Variants in ADAM22 observed in about 807,000 individuals in gnomAD.
ADAM22 encodes ADAM metallopeptidase domain 22.
ADAM22 carries 65 observed loss-of-function variants against 144.6 expected under a neutral mutation model. That is an observed-to-expected ratio of 0.45 (90% CI 0.37 to 0.55). The LOEUF is 0.55. Among genes scored for constraint, ADAM22 ranks in the 20% least tolerant of loss-of-function variants. The probability of loss-of-function intolerance (pLI) is 0.00; values close to 1 mark genes in which losing one functional copy is unlikely to be tolerated. For missense variants in ADAM22, 974 were observed against 1,184.9 expected (o/e 0.82, Z 2.61); for synonymous variants, 391 against 412.6 (o/e 0.95, Z 0.63).
intron 22 of ADAM22, among the ~76,000 whole-genome samples, chr7:88,156,430 C>T (rs561174025): frequency 6.6e-6 from 1 of 152,104 alleles, no homozygotes; most frequent in East Asian, 1.9e-4. Context: ...ATAATAGCAA[C>T]AATATTTTGT....
intron 26 of ADAM22, among the ~76,000 whole-genome samples, chr7:88,175,496 T>G (rs890178372): frequency 6.6e-6 from 1 of 152,080 alleles, no homozygotes; most frequent in Non-Finnish European, 1.5e-5. Context: ...AAAGACAACA[T>G]GTAATTAATG....
intron 21 of ADAM22, among the ~76,000 whole-genome samples, chr7:88,154,986 G>C (rs947673636): frequency 2.0e-5 from 3 of 151,884 alleles, no homozygotes; most frequent in Admixed American, 2.0e-4. Context: ...AAATGTGTTG[G>C]ATATAAATAA....
chr7:88,114,771 A>G, intron 6 of ADAM22, 124 bp downstream of exon 6: 1 of 792,934 alleles, frequency 1.3e-6, no homozygotes, highest in Non-Finnish European at 2.0e-6. Context: ...TAGTAAACAT[A>G]TGTACAGATG....
At chr7:88,070,743 C>T (rs1187162709) in intron 3 of ADAM22, among the ~76,000 whole-genome samples, 1 of 152,004 alleles carries the variant, frequency 6.6e-6, no homozygotes. Flanking sequence ...ATGCATTAGA[C>T]ATGTTGAATT....
At chr7:87,980,846 G>A (rs1431767163) in intron 3 of ADAM22, among the ~76,000 whole-genome samples, 2 of 152,138 alleles carry the variant, frequency 1.3e-5, no homozygotes, top group African/African-American at 4.8e-5. Flanking sequence ...TGGGGTCGTA[G>A]TTGTGAAATT....
chr7:88,168,390 G>C lies in ADAM22; in HGVS notation c.2282+163G>C, dbSNP rs763153921. The stretch of plus-strand genomic sequence containing the variant: ...ATGCTTATTCTTGGCATGGCGAGAA[G>C]TGATAATAACATCATTTTTTAGATT... On this transcript the variant is annotated intron_variant, in intron 25 of 31. Coordinates refer to ENST00000413139, the MANE Select transcript of ADAM22 (RefSeq NM_001324418.2). The C allele has an allele frequency of 7.0e-6, 5 of 713,542 alleles. No homozygotes were observed. In the African/African-American group the frequency reaches 8.7e-5, roughly 12 times the overall value. 44.2% of individuals were successfully genotyped at this position (713,542 alleles called of 1,614,324 possible).
chr7:88,086,509 CA>C (rs1818481970), intron 4 of ADAM22, among the ~76,000 whole-genome samples: 1 of 152,096 alleles, frequency 6.6e-6, no homozygotes. Context: ...AGTCTTTATG[CA>C]AGAAAAGAAA....
At chr7:88,004,698 A>C (rs537840295) in intron 3 of ADAM22, among the ~76,000 whole-genome samples, 1 of 152,298 alleles carries the variant, frequency 6.6e-6, no homozygotes, top group Non-Finnish European at 1.5e-5. Context: ...TAGTAATGTA[A>C]ATTTTGTGGA....
chr7:88,138,984 C>G (rs546425561), intron 14 of ADAM22, among the ~76,000 whole-genome samples: 2 of 152,160 alleles, frequency 1.3e-5, no homozygotes, highest in African/African-American at 4.8e-5. Flanking sequence ...TTGGCTGTGA[C>G]CCCTGAGGGT....
chr7:88,084,896 C>T (rs567555769), intron 4 of ADAM22, among the ~76,000 whole-genome samples: 3 of 152,132 alleles, frequency 2.0e-5, no homozygotes, highest in Non-Finnish European at 2.9e-5. Flanking sequence ...TTGGTTTCTG[C>T]CGAGGCCTCT....
At chr7:88,099,865 A>G (rs1425587617) in intron 4 of ADAM22, among the ~76,000 whole-genome samples, 1 of 152,124 alleles carries the variant, frequency 6.6e-6, no homozygotes, top group Non-Finnish European at 1.5e-5. Context: ...CTATTTTGCC[A>G]TATATGAAAA....
intron 4 of ADAM22, among the ~76,000 whole-genome samples, chr7:88,090,611 A>G (rs1485457046): frequency 6.6e-6 from 1 of 152,174 alleles, no homozygotes; most frequent in Non-Finnish European, 1.5e-5. Flanking sequence ...ATTATATTTT[A>G]ATGACTCCAT....
chr7:87,953,834 G>A (rs1288872242), intron 2 of ADAM22, among the ~76,000 whole-genome samples: 1 of 152,068 alleles, frequency 6.6e-6, no homozygotes, highest in Non-Finnish European at 1.5e-5. Flanking sequence ...TCCTGTTTTG[G>A]GTGCATATAT....
chr7:87,948,599 A>G (rs531877309), intron 2 of ADAM22, among the ~76,000 whole-genome samples: 1 of 152,158 alleles, frequency 6.6e-6, no homozygotes, highest in African/African-American at 2.4e-5. Context: ...TCATTTTTCA[A>G]AGTCTTTGAC....
chr7:88,112,916 C>T (rs2129488595), intron 5 of ADAM22, among the ~76,000 whole-genome samples: 1 of 152,218 alleles, frequency 6.6e-6, no homozygotes, highest in Non-Finnish European at 1.5e-5. Context: ...TCTTGCCACT[C>T]ACTACGTTGC....
intron 7 of ADAM22, among the ~76,000 whole-genome samples, chr7:88,117,557 A>G (rs1159552237): frequency 6.6e-6 from 1 of 152,152 alleles, no homozygotes; most frequent in Non-Finnish European, 1.5e-5. Context: ...AGGGTGAGTT[A>G]GCGTTTGTCT....
At chr7:88,050,933 C>T (rs550580758) in intron 3 of ADAM22, among the ~76,000 whole-genome samples, 1 of 152,294 alleles carries the variant, frequency 6.6e-6, no homozygotes, top group African/African-American at 2.4e-5. Flanking sequence ...AAGTCCTTGA[C>T]CATGCCTATG....
intron 4 of ADAM22, among the ~76,000 whole-genome samples, chr7:88,107,256 C>T (rs934641732): frequency 8.0e-6 from 1 of 125,200 alleles, no homozygotes; most frequent in Non-Finnish European, 1.6e-5. Context: ...GGCTGGAGTA[C>T]AGTGGTGCCA....
chr7:88,157,933 AC>A (rs1840440473), intron 22 of ADAM22, among the ~76,000 whole-genome samples: 1 of 152,108 alleles, frequency 6.6e-6, no homozygotes, highest in African/African-American at 2.4e-5. Flanking sequence ...TGGCCTAAAT[AC>A]CCCATTTAAA....
Sources: gnomAD v4.1 joint callset for allele counts (sites outside exome capture counted in the v4.1 genomes callset) on GRCh38, gnomAD v4.1.1 for gene constraint, MANE v1.5 for transcripts, NCBI Gene and HGNC (gene_info 2026-07-23, HGNC 2026-07-21) for gene names.